The following FBXL18 variants were observed in gnomAD, a reference collection of about 807,000 sequenced individuals.
FBXL18 encodes F-box/LRR-repeat protein 18.
Under a neutral mutation model 46.0 loss-of-function variants are expected in FBXL18, and 36 were observed. That is an observed-to-expected ratio of 0.78 (90% CI 0.60 to 1.03). The LOEUF (loss-of-function observed/expected upper bound fraction) is 1.03. Among genes scored for constraint, FBXL18 ranks in the 50% least tolerant of loss-of-function variants. The probability of loss-of-function intolerance (pLI) is 0.00; values close to 1 mark genes in which losing one functional copy is unlikely to be tolerated. For missense variants in FBXL18, 977 were observed against 1,004.1 expected (o/e 0.97, Z 0.36); for synonymous variants, 557 against 465.3 (o/e 1.20, Z -2.54).
At chr7:5,504,706 G>A (rs1454610021) in intron 2 of FBXL18, among the ~76,000 whole-genome samples, 5 of 149,040 alleles carry the variant, frequency 3.4e-5, no homozygotes, top group African/African-American at 1.2e-4. Context: ...ACGAGGTCAG[G>A]AGATCGAGAC....
chr7:5,465,523 G>T (rs1584184574), intron 4 of FBXL18, among the ~76,000 whole-genome samples: 1 of 152,132 alleles, frequency 6.6e-6, no homozygotes, highest in Admixed American at 6.6e-5. Flanking sequence ...TGCCCAGGCT[G>T]GAGTGCAGTG....
intron 4 of FBXL18, among the ~76,000 whole-genome samples, chr7:5,487,168 G>A (rs764090943): frequency 1.3e-5 from 2 of 152,214 alleles, no homozygotes; most frequent in Non-Finnish European, 2.9e-5. Context: ...AGGGAAGGCC[G>A]GTCAGACCCT....
chr7:5,505,629 T>A lies in FBXL18; in HGVS notation c.20A>T (p.Asp7Val). The A allele has an allele frequency of 6.2e-7, 1 of 1,613,456 alleles. No individual in the cohort carries two copies. The highest frequency in any genetic ancestry group is 1.1e-5 in the South Asian group (1 of 91,068). MASSGEDISNDDDDMHP... is the reference protein window; with the variant it reads MASSGEVISNDDDDMHP... ...CATGTCATCATCATCATTGGATATG[T>A]CCTGAAAATAAGGGGGACACCATTC... The change falls in exon 2 of 5, where the codon GAC (aspartate) becomes GTC (valine). Residue 7 changes from aspartate to valine, a missense_variant and splice_region_variant. Asp to Val is a radical substitution (Grantham distance 152). Coordinates refer to ENST00000382368, the MANE Select transcript of FBXL18 (RefSeq NM_024963.6).
downstream of FBXL18, among the ~76,000 whole-genome samples, chr7:5,474,271 A>G (rs1391599853): frequency 2.0e-5 from 3 of 151,088 alleles, no homozygotes; most frequent in African/African-American, 7.3e-5. Context: ...TGGCTGCACA[A>G]CACTGTGATG....
At chr7:5,489,474 A>G in intron 4 of FBXL18, 1 of 376,610 alleles carries the variant, frequency 2.7e-6, no homozygotes, top group South Asian at 2.0e-5. Flanking sequence ...GTCTCTACTA[A>G]AAATACAAAA....
At chr7:5,509,840 C>T (rs531312351) in intron 1 of FBXL18, among the ~76,000 whole-genome samples, 3 of 152,122 alleles carry the variant, frequency 2.0e-5, no homozygotes, top group East Asian at 1.9e-4. Context: ...GGAAGCAGCT[C>T]GAATGGGCCC....
intron 4 of FBXL18, among the ~76,000 whole-genome samples, chr7:5,463,087 G>A (rs1222689396): frequency 7.0e-6 from 1 of 142,830 alleles, no homozygotes; most frequent in African/African-American, 2.6e-5. Flanking sequence ...CAAATCAAAA[G>A]TATCATGAGA....
chr7:5,494,661 C>T (rs924086743), intron 3 of FBXL18, among the ~76,000 whole-genome samples: 88 of 152,266 alleles, frequency 5.8e-4, no homozygotes, highest in African/African-American at 2.0e-3. Context: ...GTAAAAAAGA[C>T]GGTGCAGGCG....
chr7:5,501,425 G>T lies in FBXL18; in HGVS notation c.844C>A (p.Leu282Ile), dbSNP rs965754905. The change falls in exon 3 of 5, where the codon CTC becomes ATC. Residue 282 changes from leucine (L) to isoleucine (I), a missense_variant. Transcript: ENST00000382368. ...ACATTGCGCGCCATGGAGTCCAGGAGGTTCTTGGTGGCGCCGCTCTCCGCG... is the reference window on the plus strand; with the variant it reads ...ACATTGCGCGCCATGGAGTCCAGGATGTTCTTGGTGGCGCCGCTCTCCGCG... ...SFAESGATKN[L>I]LDSMARNVVL... is the part of the protein sequence containing the mutation. The T allele has an allele frequency of 1.2e-6, 2 of 1,613,434 alleles. No individual in the cohort carries two copies.
At chr7:5,506,711 C>T (rs561211840) in intron 1 of FBXL18, among the ~76,000 whole-genome samples, 12 of 152,226 alleles carry the variant, frequency 7.9e-5, no homozygotes, top group African/African-American at 2.2e-4. Flanking sequence ...CATGTGCCAC[C>T]GTGCCCAGCT....
At chr7:5,494,924 G>A (rs569315755) in intron 3 of FBXL18, among the ~76,000 whole-genome samples, 1 of 152,356 alleles carries the variant, frequency 6.6e-6, no homozygotes, top group East Asian at 1.9e-4. Flanking sequence ...TTCCGCCCCG[G>A]AGGAAGTCAC....
At chr7:5,468,748 G>A (rs781429527) in intron 4 of FBXL18, among the ~76,000 whole-genome samples, 33 of 152,108 alleles carry the variant, frequency 2.2e-4, no homozygotes, top group Non-Finnish European at 4.1e-4. Context: ...CTACAGACGC[G>A]CACCACCACG....
chr7:5,468,747 C>T (rs1262989444), intron 4 of FBXL18, among the ~76,000 whole-genome samples: 1 of 152,032 alleles, frequency 6.6e-6, no homozygotes, highest in African/African-American at 2.4e-5. Flanking sequence ...ACTACAGACG[C>T]GCACCACCAC....
chr7:5,499,745 GAA>G (rs1205205121), intron 3 of FBXL18, among the ~76,000 whole-genome samples: 2 of 115,742 alleles, frequency 1.7e-5, no homozygotes, highest in Non-Finnish European at 1.8e-5. Flanking sequence ...AAAAAAAAAA[GAA>G]AAAAAAAAAA....
intron 3 of FBXL18, among the ~76,000 whole-genome samples, chr7:5,495,028 C>A (rs1584224173): frequency 6.6e-6 from 1 of 152,092 alleles, no homozygotes; most frequent in South Asian, 2.1e-4. Context: ...TCCCACAGCA[C>A]GCCGCCTGGG....
chr7:5,462,981 T>C (rs1397907503), intron 4 of FBXL18, among the ~76,000 whole-genome samples: 1 of 42,922 alleles, frequency 2.3e-5, no homozygotes, highest in Non-Finnish European at 5.3e-5. Context: ...TATATATATA[T>C]ATATATATAT....
intron 4 of FBXL18, among the ~76,000 whole-genome samples, chr7:5,458,164 T>C (rs554188092): frequency 2.0e-5 from 3 of 152,072 alleles, no homozygotes; most frequent in East Asian, 3.9e-4. Flanking sequence ...GTCTCAGAGC[T>C]GATAAGGGAC....
At position 5,501,254 on chromosome 7, in the gene FBXL18, C is replaced by A. The variant is rs1181373434; in HGVS notation, c.1015G>T (p.Gly339Trp). The A allele has an allele frequency of 6.2e-7, 1 of 1,613,900 alleles. No homozygotes were observed. The highest frequency in any genetic ancestry group is 1.1e-5 in the South Asian group (1 of 91,054). The change falls in exon 3 of 5, where the codon GGG becomes TGG. Residue 339 changes from glycine (G) to tryptophan (W), a missense_variant. By Grantham distance (184) the Gly-to-Trp change is radical. Transcript: ENST00000382368. Reference sequence around the variant, plus strand: ...CTGGCCAGGCTCCGCAGGTCCTTCCCGCCGTTGATGACCTGCTGGATCAGA... The same window carrying A: ...CTGGCCAGGCTCCGCAGGTCCTTCCAGCCGTTGATGACCTGCTGGATCAGA... The part of the protein sequence containing the change: ...GHLIQQVING[G>W]KDLRSLASLN...
At chr7:5,469,272 C>G (rs1783390624) in intron 4 of FBXL18, among the ~76,000 whole-genome samples, 1 of 152,044 alleles carries the variant, frequency 6.6e-6, no homozygotes, top group South Asian at 2.1e-4. Flanking sequence ...ATCAGCCAGG[C>G]ATGGTGGCGT....
Sources: gnomAD v4.1 joint callset for allele counts (sites outside exome capture counted in the v4.1 genomes callset) on GRCh38, gnomAD v4.1.1 for gene constraint, MANE v1.5 for transcripts, NCBI Gene and HGNC (gene_info 2026-07-23, HGNC 2026-07-21) for gene names.